WNK2: variants seen among roughly 807,000 people sequenced by gnomAD.
The protein encoded by WNK2 is serine/threonine-protein kinase WNK2.
A neutral mutation model predicts 192.1 loss-of-function variants in WNK2; 67 were observed. The observed-to-expected ratio is 0.35, with a 90% CI of 0.29 to 0.43. The LOEUF (loss-of-function observed/expected upper bound fraction) is 0.43, where lower values mean the gene tolerates loss of function less well. WNK2 is among the 20% of genes least tolerant of loss of function. The probability of loss-of-function intolerance (pLI) is 1.00; values close to 1 mark genes in which losing one functional copy is unlikely to be tolerated. For synonymous variants in WNK2, 1,439 were observed against 1,393.9 expected (o/e 1.03, Z -0.72); for missense variants, 2,698 against 3,089.7 (o/e 0.87, Z 3.01).
In WNK2 at chr9:93,258,959, T is replaced by A; in HGVS notation, c.2411T>A (p.Ile804Asn). ...QMPPIPVVPP[I>N]TPLAGIDGLP... ...CCCCCGATTCCTGTTGTGCCCCCCA[T>A]CACGCCCCTGGCGGGAATCGACGGC... Residue 804 changes from isoleucine to asparagine, a missense_variant, in exon 12 of 30, where the codon ATC becomes AAC. By Grantham distance (149) the Ile-to-Asn change is moderately radical. Transcript: ENST00000427277. 1.2e-6 allele frequency: 2 copies of A among 1,612,732 alleles called. No individual in the cohort carries two copies. Among genetic ancestry groups the A allele is most frequent in the South Asian group, 1.1e-5 (1 of 91,038 alleles).
At chr9:93,318,527 A>T (rs746709350) in intron 29 of WNK2, 1 of 1,614,126 alleles carries the variant, frequency 6.2e-7, no homozygotes, top group East Asian at 2.2e-5. Context: ...GTGAGCAGAC[A>T]TGCCCCCCAT....
intron 7 of WNK2, among the ~76,000 whole-genome samples, chr9:93,246,294 C>A (rs1363149290): frequency 6.6e-6 from 1 of 152,212 alleles, no homozygotes; most frequent in Admixed American, 6.5e-5. Context: ...TCCTGCCCAG[C>A]CTTGAGCTGC....
intron 10 of WNK2, 60 bp downstream of exon 10, chr9:93,256,514 C>A: frequency 6.9e-7 from 1 of 1,447,218 alleles, no homozygotes; most frequent in South Asian, 1.4e-5. Flanking sequence ...CTGTGCTGGC[C>A]CCTGGGCCCA....
chr9:93,304,315 G>A (rs569341804), intron 26 of WNK2, among the ~76,000 whole-genome samples: 4 of 152,342 alleles, frequency 2.6e-5, no homozygotes, highest in African/African-American at 7.2e-5. Context: ...AGCTGATGTC[G>A]GCTGCACAAA....
chr9:93,303,190 G>A (rs1444335950), intron 26 of WNK2, among the ~76,000 whole-genome samples: 8 of 152,194 alleles, frequency 5.3e-5, no homozygotes, highest in Admixed American at 5.2e-4. Context: ...AAAGTGCTGG[G>A]ATTACAGGTG....
rs370686908 is a variant in WNK2 at position 93,311,921 on chromosome 9, C to T, written c.6516+3337C>T. On this transcript the variant is annotated intron_variant, in intron 28 of 29. Transcript: ENST00000427277. ...AGGCGTGAGCCACCGTGCGCCACCG[C>T]GTTCAGCCATCCTTTCTGGTTTTTG... is the stretch of plus-strand genomic sequence containing the variant. Among the ~76,000 whole-genome samples, 12 of 152,224 alleles carry T rather than the reference C, an allele frequency of 7.9e-5. No homozygotes were observed. The East Asian group carries it at 1.4e-3, about 17-fold the overall frequency.
At chr9:93,249,640 A>T (rs1383377314) in intron 8 of WNK2, among the ~76,000 whole-genome samples, 3 of 151,736 alleles carry the variant, frequency 2.0e-5, no homozygotes, top group African/African-American at 7.3e-5. Context: ...CGCCCAGCTA[A>T]TTTTTTTGTA....
At chr9:93,298,160 G>A (rs1443325322) in intron 24 of WNK2, 93 bp downstream of exon 24, 55 of 1,352,572 alleles carry the variant, frequency 4.1e-5, no homozygotes, top group Admixed American at 1.8e-4. Flanking sequence ...TGACACCCTC[G>A]GACCTGGAAG....
chr9:93,289,608 G>A lies in WNK2; in HGVS notation c.4854G>A (p.Leu1618=). 1.4e-6 allele frequency: 2 copies of A among 1,479,284 alleles called. No homozygotes were observed. The highest frequency in any genetic ancestry group is 2.8e-5 in the South Asian group (2 of 72,120). The allele number at this position is 1,479,284 out of a possible 1,614,324, so 91.6% of individuals were successfully genotyped here. Residue 1618 remains leucine, a synonymous_variant, in exon 20 of 30, where the codon CTG becomes CTA. Transcript: ENST00000427277. ...AGGCGGTCTCAGGGCGTGTCCAGCT[G>A]CCCCAGCCCTTGGTGAGTAGCTGCC... is the stretch of plus-strand genomic sequence containing the variant. ...PKEAVSGRVQ[L]PQPLVEKSEL...
intron 19 of WNK2, among the ~76,000 whole-genome samples, chr9:93,282,862 G>A (rs1334657578): frequency 2.0e-5 from 3 of 152,062 alleles, no homozygotes; most frequent in African/African-American, 7.2e-5. Context: ...GTTTTTTCAT[G>A]CACACAGAAT....
rs1052068925 is a variant in WNK2 at position 93,209,140 on chromosome 9, T to C, written c.682-20556T>C. On this transcript the variant is annotated intron_variant, in intron 2 of 29. Transcript: ENST00000427277. ...AAAAAAACAGTTGAGCAGAAGGACA[T>C]AGACCTTTGAGCAGGGGAATGTGGT... is the stretch of plus-strand genomic sequence containing the variant. Among the ~76,000 whole-genome samples, 3 of 152,214 alleles carry C rather than the reference T, an allele frequency of 2.0e-5. No homozygotes were observed. In the East Asian group the frequency reaches 5.8e-4, roughly 29 times the overall value.
At chr9:93,300,367 C>T in intron 26 of WNK2, 1 of 450,206 alleles carries the variant, frequency 2.2e-6, no homozygotes, top group Non-Finnish European at 3.9e-6. Context: ...TGTGTGCATG[C>T]TCATGGCTGG....
At chr9:93,187,939 G>A (rs1290014096) in intron 2 of WNK2, among the ~76,000 whole-genome samples, 1 of 152,162 alleles carries the variant, frequency 6.6e-6, no homozygotes, top group Non-Finnish European at 1.5e-5. Context: ...TCACTGAGCA[G>A]GGAAGGGTGA....
intron 26 of WNK2, among the ~76,000 whole-genome samples, chr9:93,303,533 A>G (rs891154567): frequency 6.6e-5 from 10 of 152,116 alleles, no homozygotes; most frequent in African/African-American, 2.4e-4. Context: ...CGGTGGGGAG[A>G]GAGTGCATGC....
At chr9:93,240,072 G>A (rs1459116917) in intron 7 of WNK2, 96 bp downstream of exon 7, 14 of 1,293,748 alleles carry the variant, frequency 1.1e-5, no homozygotes, top group African/African-American at 2.9e-5. Flanking sequence ...GGCTTGCTCC[G>A]GAGGGGACTG....
At chr9:93,207,683 C>T (rs553178071) in intron 2 of WNK2, among the ~76,000 whole-genome samples, 61 of 152,378 alleles carry the variant, frequency 4.0e-4, no homozygotes, top group Non-Finnish European at 2.9e-5. Flanking sequence ...AAAATAGCCT[C>T]ACTGTCAGTG....
intron 19 of WNK2, among the ~76,000 whole-genome samples, chr9:93,287,538 G>A (rs149844418): frequency 2.7e-3 from 418 of 152,266 alleles, no homozygotes; most frequent in Non-Finnish European, 4.3e-3. Flanking sequence ...TTGATAGAAC[G>A]TGCAGCACGA....
chr9:93,312,920 T>G (rs1380334352), intron 28 of WNK2, among the ~76,000 whole-genome samples: 3 of 152,204 alleles, frequency 2.0e-5, no homozygotes, highest in African/African-American at 4.8e-5. Context: ...CCTCACAGGA[T>G]CATTTCCATT....
At chr9:93,246,874 G>A (rs1413088337) in intron 7 of WNK2, among the ~76,000 whole-genome samples, 1 of 152,246 alleles carries the variant, frequency 6.6e-6, no homozygotes, top group Non-Finnish European at 1.5e-5. Flanking sequence ...TACAACTGCA[G>A]CCTAGCAAGA....
Sources: gnomAD v4.1 joint callset for allele counts (sites outside exome capture counted in the v4.1 genomes callset) on GRCh38, gnomAD v4.1.1 for gene constraint, MANE v1.5 for transcripts, NCBI Gene and HGNC (gene_info 2026-07-23, HGNC 2026-07-21) for gene names.